Variants in DSCAM observed in about 807,000 individuals in gnomAD.
The protein encoded by DSCAM is cell adhesion molecule DSCAM.
In DSCAM, 47 loss-of-function variants were observed where a neutral mutation model predicts 217.7. The observed-to-expected ratio is 0.22, with a 90% CI of 0.17 to 0.28. The LOEUF is 0.28. DSCAM is among the 10% of genes least tolerant of loss of function. The pLI is 1.00. For missense variants in DSCAM, 2,080 were observed against 2,618.3 expected, an observed-to-expected ratio of 0.79 and a Z score of 4.49; for synonymous variants, 1,056 against 1,015.3, an observed-to-expected ratio of 1.04 and a Z score of -0.76.
chr21:40,492,586 G>T (rs745667696), intron 3 of DSCAM, among the ~76,000 whole-genome samples: 12 of 151,592 alleles, frequency 7.9e-5, no homozygotes, highest in South Asian at 2.1e-4. Context: ...AAATACAATC[G>T]AGGAGCAGAA....
intron 16 of DSCAM, among the ~76,000 whole-genome samples, chr21:40,150,838 G>A (rs2090416829): frequency 6.6e-6 from 1 of 152,194 alleles, no homozygotes; most frequent in Non-Finnish European, 1.5e-5. Flanking sequence ...TTAGAACACT[G>A]TATTAAGGTT....
chr21:40,422,887 T>G (rs2075438091), intron 3 of DSCAM, among the ~76,000 whole-genome samples: 1 of 152,198 alleles, frequency 6.6e-6, no homozygotes, highest in African/African-American at 2.4e-5. Context: ...TGTTCGTCTA[T>G]CCACATAGAA....
chr21:40,686,314 CA>C (rs1568985043), intron 3 of DSCAM, among the ~76,000 whole-genome samples: 5 of 150,972 alleles, frequency 3.3e-5, no homozygotes, highest in African/African-American at 4.9e-5. Context: ...GGCACACACA[CA>C]CACCACATAT....
intron 1 of DSCAM, among the ~76,000 whole-genome samples, chr21:40,833,155 A>T (rs911059332): frequency 2.0e-5 from 3 of 152,118 alleles, no homozygotes; most frequent in Admixed American, 6.5e-5. Flanking sequence ...AGAGAAAAAG[A>T]TTTCATGGAC....
At chr21:40,465,354 T>A (rs1476972525) in intron 3 of DSCAM, among the ~76,000 whole-genome samples, 1 of 152,172 alleles carries the variant, frequency 6.6e-6, no homozygotes, top group African/African-American at 2.4e-5. Context: ...TTCTTTCAGG[T>A]CTGAGCTTAA....
At chr21:40,481,209 G>GC (rs1215565364) in intron 3 of DSCAM, among the ~76,000 whole-genome samples, 1 of 152,134 alleles carries the variant, frequency 6.6e-6, no homozygotes, top group Non-Finnish European at 1.5e-5. Context: ...ACAAGAACAG[G>GC]CCGGGTGCGG....
chr21:40,017,785 C>T (rs977158156), intron 32 of DSCAM, among the ~76,000 whole-genome samples: 5 of 152,318 alleles, frequency 3.3e-5, no homozygotes, highest in South Asian at 2.1e-4. Flanking sequence ...TTCCTGACCT[C>T]GGGTGATCCA....
At chr21:40,684,288 G>A (rs755911793) in intron 3 of DSCAM, among the ~76,000 whole-genome samples, 2 of 152,188 alleles carry the variant, frequency 1.3e-5, no homozygotes, top group Non-Finnish European at 2.9e-5. Context: ...CAGTCTGCAG[G>A]AACGCTCCAC....
intron 3 of DSCAM, among the ~76,000 whole-genome samples, chr21:40,558,181 T>G (rs1319096234): frequency 6.6e-6 from 1 of 152,192 alleles, no homozygotes; most frequent in African/African-American, 2.4e-5. Flanking sequence ...GATTATCTCT[T>G]TATCAGTTGT....
chr21:40,426,455 T>C (rs1007456639), intron 3 of DSCAM, among the ~76,000 whole-genome samples: 7 of 152,244 alleles, frequency 4.6e-5, no homozygotes, highest in Admixed American at 3.9e-4. Flanking sequence ...TATGTGTCTA[T>C]ACTACTATGC....
chr21:40,835,609 T>TA (rs2092049832), intron 1 of DSCAM, among the ~76,000 whole-genome samples: 1 of 152,148 alleles, frequency 6.6e-6, no homozygotes, highest in Admixed American at 6.5e-5. Flanking sequence ...TGAATCACAA[T>TA]AAAATCACCA....
chr21:40,538,092 C>T (rs2076513634), intron 3 of DSCAM, among the ~76,000 whole-genome samples: 1 of 152,112 alleles, frequency 6.6e-6, no homozygotes, highest in African/African-American at 2.4e-5. Flanking sequence ...GACACAGAGG[C>T]AGAGCAGGGG....
At chr21:40,069,620 C>T (rs1348120219) in intron 27 of DSCAM, among the ~76,000 whole-genome samples, 1 of 152,204 alleles carries the variant, frequency 6.6e-6, no homozygotes, top group Non-Finnish European at 1.5e-5. Context: ...AATACTTCTA[C>T]TGGGCAGTCA....
At chr21:40,165,705 A>C (rs144241196) in intron 16 of DSCAM, among the ~76,000 whole-genome samples, 1 of 152,272 alleles carries the variant, frequency 6.6e-6, no homozygotes, top group Non-Finnish European at 1.5e-5. Flanking sequence ...AGGACCCAAA[A>C]GATCCAAAAA....
At chr21:40,427,657 G>A (rs1302151351) in intron 3 of DSCAM, among the ~76,000 whole-genome samples, 1 of 152,200 alleles carries the variant, frequency 6.6e-6, no homozygotes, top group African/African-American at 2.4e-5. Flanking sequence ...GTAAACACAG[G>A]GAAAGAGTTA....
intron 20 of DSCAM, among the ~76,000 whole-genome samples, chr21:40,110,845 TGAGAA>T (rs1252256771): frequency 6.6e-6 from 1 of 151,888 alleles, no homozygotes; most frequent in African/African-American, 2.4e-5. Flanking sequence ...TGAAATGAAG[TGAGAA>T]GAGAAGTTTA....
chr21:40,433,165 T>C lies in DSCAM; in HGVS notation c.509-63920A>G, dbSNP rs137973656. ...CGAGGTCAGAAGATAGAGACCATCCTGGCCAACACGGTGAAACCCTGTCTC... is the reference window on the plus strand; with the variant it reads ...CGAGGTCAGAAGATAGAGACCATCCCGGCCAACACGGTGAAACCCTGTCTC... On this transcript the variant is annotated intron_variant, in intron 3 of 32. Coordinates refer to ENST00000400454, the MANE Select transcript of DSCAM (RefSeq NM_001389.5). 6.6e-5 allele frequency among the ~76,000 whole-genome samples: 10 copies of C among 151,762 alleles called. 1 individual carries two copies. The South Asian group carries it at 1.0e-3, about 16-fold the overall frequency.
At chr21:40,090,293 G>A (rs550280918) in intron 21 of DSCAM, among the ~76,000 whole-genome samples, 2 of 152,172 alleles carry the variant, frequency 1.3e-5, no homozygotes, top group Admixed American at 6.5e-5. Context: ...GCCTTTCCTC[G>A]AATGAGAGCC....
At chr21:40,287,580 A>C (rs184384329) in intron 10 of DSCAM, among the ~76,000 whole-genome samples, 1 of 152,156 alleles carries the variant, frequency 6.6e-6, no homozygotes, top group East Asian at 1.9e-4. Flanking sequence ...TTTCCCCTCC[A>C]TCTTGCATGG....
Sources: gnomAD v4.1 joint callset for allele counts (sites outside exome capture counted in the v4.1 genomes callset) on GRCh38, gnomAD v4.1.1 for gene constraint, MANE v1.5 for transcripts, NCBI Gene and HGNC (gene_info 2026-07-23, HGNC 2026-07-21) for gene names.